Variants in ROBO2 observed in about 807,000 individuals in gnomAD.
ROBO2 encodes the protein roundabout guidance receptor 2.
In ROBO2, 53 loss-of-function variants were observed where a neutral mutation model predicts 160.8. The ratio of observed to expected loss-of-function variants is 0.33; its 90% CI spans 0.26 to 0.41. The LOEUF (loss-of-function observed/expected upper bound fraction) is 0.41. Among genes scored for constraint, ROBO2 ranks in the 10% least tolerant of loss-of-function variants. The pLI, the probability that ROBO2 is intolerant of heterozygous loss-of-function variation, is 1.00. For synonymous variants in ROBO2, 664 were observed against 611.7 expected, an observed-to-expected ratio of 1.09 and a Z score of -1.26; for missense variants, 1,577 against 1,722.4, an observed-to-expected ratio of 0.92 and a Z score of 1.49.
chr3:76,156,198 C>T (rs1416101347), intron 2 of ROBO2, among the ~76,000 whole-genome samples: 1 of 151,828 alleles, frequency 6.6e-6, no homozygotes, highest in Admixed American at 6.6e-5. Context: ...AGGAGATGAG[C>T]TTTTAAGAAA....
chr3:77,055,619 C>T (rs998775817), intron 1 of ROBO2, among the ~76,000 whole-genome samples: 2 of 152,194 alleles, frequency 1.3e-5, no homozygotes, highest in South Asian at 2.1e-4. Flanking sequence ...GACTCATTTA[C>T]GCATAATATA....
In ROBO2 at chr3:77,254,576, G is replaced by A. The variant is rs143876020; in HGVS notation, c.388+156236G>A. On this transcript the variant is annotated intron_variant, in intron 2 of 25. Coordinates refer to ENST00000461745, the Ensembl canonical transcript of ROBO2. ...ATGATGTTGAAGTTGAATACCTTTC[G>A]GAACTATTAGAGAGGTGGAGAAAAT... Among the ~76,000 whole-genome samples, 873 of 151,958 alleles carry A rather than the reference G, an allele frequency of 5.7e-3. 22 individuals are homozygous for A. Among genetic ancestry groups the A allele is most frequent in the Admixed American group, 0.044 (668 of 15,260 alleles).
intron 2 of ROBO2, among the ~76,000 whole-genome samples, chr3:77,295,055 G>A (rs564696658): frequency 3.2e-4 from 49 of 151,136 alleles, no homozygotes; most frequent in Admixed American, 9.2e-4. Context: ...ATGCTTAAAC[G>A]GGTAAACTGA....
chr3:77,617,667 A>G, exon 22 of ROBO2: 3 of 1,614,152 alleles, frequency 1.9e-6, no homozygotes, highest in Non-Finnish European at 1.7e-6. Flanking sequence ...ACAGCAGTCC[A>G]CTGCAACTCT....
chr3:77,314,102 C>A (rs369925762), intron 2 of ROBO2, among the ~76,000 whole-genome samples: 13 of 152,000 alleles, frequency 8.6e-5, no homozygotes, highest in Non-Finnish European at 1.5e-4. Context: ...TCCCTCAGCC[C>A]GTAGTAATGC....
intron 2 of ROBO2, among the ~76,000 whole-genome samples, chr3:76,933,384 A>C (rs2077479920): frequency 6.6e-6 from 1 of 152,202 alleles, no homozygotes; most frequent in Non-Finnish European, 1.5e-5. Context: ...TGTCTTTTGG[A>C]AAACAACCTA....
At chr3:77,401,942 G>A (rs2075832571) in intron 2 of ROBO2, among the ~76,000 whole-genome samples, 1 of 152,026 alleles carries the variant, frequency 6.6e-6, no homozygotes. Context: ...TATACCCAAA[G>A]GATTAGAAAC....
chr3:76,812,244 G>A (rs1233989550), intron 2 of ROBO2, among the ~76,000 whole-genome samples: 1 of 147,034 alleles, frequency 6.8e-6, no homozygotes, highest in Non-Finnish European at 1.5e-5. Context: ...TTTATTTTAT[G>A]TTAAATGATT....
At chr3:76,937,130 A>G (rs944766629) in intron 2 of ROBO2, among the ~76,000 whole-genome samples, 11 of 152,242 alleles carry the variant, frequency 7.2e-5, no homozygotes, top group African/African-American at 2.2e-4. Context: ...GAGATGAGCT[A>G]CTTTTGTCAC....
chr3:76,981,808 C>G (rs1464116293), intron 2 of ROBO2, among the ~76,000 whole-genome samples: 1 of 152,068 alleles, frequency 6.6e-6, no homozygotes, highest in Non-Finnish European at 1.5e-5. Flanking sequence ...GAACGGGGAA[C>G]AGGGACATCA....
chr3:77,381,454 G>C (rs1560678233), intron 2 of ROBO2, among the ~76,000 whole-genome samples: 3 of 152,274 alleles, frequency 2.0e-5, no homozygotes, highest in Non-Finnish European at 2.9e-5. Flanking sequence ...GCCTAGCTTA[G>C]ATCTTCAGAG....
At chr3:77,425,297 T>C (rs1173370652) in intron 2 of ROBO2, among the ~76,000 whole-genome samples, 4 of 152,210 alleles carry the variant, frequency 2.6e-5, no homozygotes, top group African/African-American at 9.6e-5. Context: ...CATTGCAAAT[T>C]GCTGGAAGTA....
intron 2 of ROBO2, among the ~76,000 whole-genome samples, chr3:76,648,507 G>C (rs2091092584): frequency 6.6e-6 from 1 of 151,994 alleles, no homozygotes; most frequent in Non-Finnish European, 1.5e-5. Context: ...CTGAATGTGG[G>C]CTGTCTATTC....
intron 2 of ROBO2, among the ~76,000 whole-genome samples, chr3:76,039,852 C>G (rs1473789248): frequency 6.6e-6 from 1 of 151,960 alleles, no homozygotes. Flanking sequence ...AAGCCTGGCT[C>G]AAATTAATCA....
chr3:76,438,410 T>TCACACACA (rs35326545), intron 2 of ROBO2, among the ~76,000 whole-genome samples: 10 of 146,202 alleles, frequency 6.8e-5, no homozygotes, highest in East Asian at 2.0e-4. Flanking sequence ...TGTAATCAGT[T>TCACACACA]CACACACACA....
At chr3:76,220,182 T>G (rs1575950453) in intron 2 of ROBO2, among the ~76,000 whole-genome samples, 10 of 98,328 alleles carry the variant, frequency 1.0e-4, no homozygotes, top group East Asian at 3.3e-4. Flanking sequence ...TGTTGTGGGG[T>G]TGGGGGAGGG....
At chr3:76,021,964 A>G (rs577662446) in intron 2 of ROBO2, among the ~76,000 whole-genome samples, 1 of 149,772 alleles carries the variant, frequency 6.7e-6, no homozygotes, top group Non-Finnish European at 1.5e-5. Context: ...CTTTTTCCCC[A>G]CAGTAGAACT....
chr3:77,235,922 A>G (rs1267421676), intron 2 of ROBO2, among the ~76,000 whole-genome samples: 1 of 152,174 alleles, frequency 6.6e-6, no homozygotes, highest in African/African-American at 2.4e-5. Flanking sequence ...ACTTACATTG[A>G]CAAATCATTT....
chr3:76,545,367 A>G (rs1346502519), intron 2 of ROBO2, among the ~76,000 whole-genome samples: 1 of 151,972 alleles, frequency 6.6e-6, no homozygotes, highest in African/African-American at 2.4e-5. Flanking sequence ...CTGTCGGTTA[A>G]GTCATCACCT....
Sources: gnomAD v4.1 joint callset for allele counts (sites outside exome capture counted in the v4.1 genomes callset) on GRCh38, gnomAD v4.1.1 for gene constraint, MANE v1.5 for transcripts, NCBI Gene and HGNC (gene_info 2026-07-23, HGNC 2026-07-21) for gene names.